RPS6KA3: variants seen among roughly 807,000 people sequenced by gnomAD.
RPS6KA3 encodes the protein ribosomal protein S6 kinase alpha-3.
In RPS6KA3, 4 loss-of-function variants were observed where a neutral mutation model predicts 67.2. The ratio of observed to expected loss-of-function variants is 0.06; its 90% CI spans 0.03 to 0.14. RPS6KA3 has a LOEUF of 0.14. Among genes scored for constraint, RPS6KA3 ranks in the 10% least tolerant of loss-of-function variants. The pLI is 1.00. For synonymous variants in RPS6KA3, 182 were observed against 183.7 expected (o/e 0.99, Z 0.07); for missense variants, 204 against 559.0 (o/e 0.36, Z 6.40).
At chrX:20,221,745 C>G (rs1050899701) in intron 2 of RPS6KA3, among the ~76,000 whole-genome samples, 15 of 112,256 alleles carry the variant, frequency 1.3e-4, no homozygotes, top group Non-Finnish European at 2.1e-4. Context: ...TTCTATTATA[C>G]AAATCTCCTA....
Position 20,167,637 on chromosome X carries a change from A to C in RPS6KA3, c.1554T>G (p.Ala518=). 1 of 1,210,126 alleles carries C rather than the reference A, an allele frequency of 8.3e-7. No individual in the cohort carries two copies. Among genetic ancestry groups the C allele is most frequent in the South Asian group, 1.8e-5 (1 of 56,983 alleles). ...CGGTTTTAGTTATAGTGAACAGGAC[A>C]GCACTGGCCTCTCGTTCAGAGAAAA... The part of the protein sequence containing the change: ...QKFFSEREAS[A]VLFTITKTVE... The change falls in exon 17 of 22, where the codon GCT becomes GCG. Residue 518 remains alanine, a synonymous_variant. Coordinates refer to ENST00000379565, the MANE Select transcript of RPS6KA3 (RefSeq NM_004586.3).
chrX:20,259,619 T>C (rs755143575), intron 1 of RPS6KA3, among the ~76,000 whole-genome samples: 3 of 111,537 alleles, frequency 2.7e-5, no homozygotes, highest in South Asian at 7.5e-4. Context: ...ACTGTAGTTA[T>C]CAGACTTTCC....
chrX:20,236,682 A>G (rs967983547), intron 1 of RPS6KA3, among the ~76,000 whole-genome samples: 2 of 111,833 alleles, frequency 1.8e-5, no homozygotes, highest in Non-Finnish European at 3.8e-5. Context: ...GAATGCCTAT[A>G]TAATACTATG....
At chrX:20,208,211 A>G (rs947491983) in intron 3 of RPS6KA3, among the ~76,000 whole-genome samples, 2 of 110,725 alleles carry the variant, frequency 1.8e-5, no homozygotes, top group Non-Finnish European at 3.8e-5. Context: ...TCGTGCTCCT[A>G]TGAGAATTGA....
chrX:20,187,181 T>A (rs189542679), intron 9 of RPS6KA3, among the ~76,000 whole-genome samples: 1 of 111,027 alleles, frequency 9.0e-6, no homozygotes, highest in East Asian at 2.8e-4. Flanking sequence ...CCTCCCAAAG[T>A]GCTGGGATTA....
chrX:20,266,294 C>T (rs2070381904), intron 1 of RPS6KA3, among the ~76,000 whole-genome samples: 1 of 111,033 alleles, frequency 9.0e-6, no homozygotes, highest in Non-Finnish European at 1.9e-5. Flanking sequence ...TTAAAATTGG[C>T]TTCTTGCAAA....
At position 20,155,602 on chromosome X, in the gene RPS6KA3, A is replaced by G. The variant is rs2067170304; in HGVS notation, c.2101-82T>C. 8 of 1,039,786 alleles carry G rather than the reference A, an allele frequency of 7.7e-6. No individual in the cohort carries two copies. In the South Asian group the frequency reaches 1.5e-4, roughly 20 times the overall value. 85.7% of individuals were successfully genotyped at this position (1,039,786 alleles called of 1,213,427 possible). The stretch of plus-strand genomic sequence containing the variant: ...CAAATACAAAATGAAGAGTTTTTTC[A>G]TATGCAAATGTACATAGATTTTATT... On this transcript the variant is annotated intron_variant, in intron 21 of 21. Coordinates refer to ENST00000379565, the MANE Select transcript of RPS6KA3 (RefSeq NM_004586.3).
At chrX:20,177,216 C>T in intron 10 of RPS6KA3, 132 bp from the exon 11 acceptor site, 1 of 492,076 alleles carries the variant, frequency 2.0e-6, no homozygotes, top group Non-Finnish European at 3.5e-6. Flanking sequence ...ACAGAGAGAT[C>T]CCCTGTGCCC....
intron 4 of RPS6KA3, among the ~76,000 whole-genome samples, chrX:20,198,903 G>A (rs113216125): frequency 2.7e-5 from 3 of 110,532 alleles, no homozygotes; most frequent in Non-Finnish European, 3.8e-5. Flanking sequence ...ATGGAGTCTT[G>A]CCCCGTCGCC....
At chrX:20,237,651 T>C (rs1302158885) in intron 1 of RPS6KA3, among the ~76,000 whole-genome samples, 1 of 111,698 alleles carries the variant, frequency 9.0e-6, no homozygotes, top group Non-Finnish European at 1.9e-5. Flanking sequence ...AAAAATGAGA[T>C]AATTCAGAAG....
intron 1 of RPS6KA3, among the ~76,000 whole-genome samples, chrX:20,252,987 G>A (rs1321052599): frequency 9.0e-6 from 1 of 110,980 alleles, no homozygotes; most frequent in African/African-American, 3.3e-5. Flanking sequence ...CTTCTGGGTT[G>A]GGGTGGAGGC....
intron 8 of RPS6KA3, among the ~76,000 whole-genome samples, 197 bp from the exon 9 acceptor site, chrX:20,188,167 G>C (rs924537304): frequency 9.0e-6 from 1 of 111,261 alleles, no homozygotes; most frequent in Non-Finnish European, 1.9e-5. Context: ...TCTGCCTCCC[G>C]GGTTCAAGTG....
chrX:20,164,892 C>T lies in RPS6KA3; in HGVS notation c.1764+7G>A. On this transcript the variant is annotated splice_region_variant and intron_variant, in intron 18 of 21. Transcript: ENST00000379565. ...CTAATACTGCAAGCAAACTCTCTCA[C>T]AATTACCTCTGGTGCAACAAAATTT... 1 of 1,197,702 alleles carries T rather than the reference C, an allele frequency of 8.3e-7. No individual in the cohort carries two copies. Among genetic ancestry groups the T allele is most frequent in the Non-Finnish European group, 1.1e-6 (1 of 882,808 alleles).
At chrX:20,261,813 G>C (rs2070238743) in intron 1 of RPS6KA3, among the ~76,000 whole-genome samples, 1 of 112,026 alleles carries the variant, frequency 8.9e-6, no homozygotes, top group Non-Finnish European at 1.9e-5. Context: ...TAGAATATCT[G>C]AGATCTGATA....
rs746752575 is a variant in RPS6KA3, at chrX:20,155,172, CAT to C, written c.*224_*225del. 4.6e-6 allele frequency: 2 copies of C among 432,856 alleles called. No individual in the cohort carries two copies. The highest frequency in any genetic ancestry group is 8.1e-6 in the Non-Finnish European group (2 of 246,100). 35.7% of individuals were successfully genotyped at this position (432,856 alleles called of 1,213,427 possible). On this transcript the variant is annotated 3_prime_UTR_variant, in exon 22 of 22. Coordinates refer to ENST00000379565, the MANE Select transcript of RPS6KA3 (RefSeq NM_004586.3). ...ATTGATTCAGTGACTATATCTTCAT[CAT>C]GTTTCCATTTTCATTTCTTCCGAAG...
At position 20,154,647 on chromosome X, in the gene RPS6KA3, A is replaced by G. The variant is rs1249030442; in HGVS notation, c.*751T>C. ...CACACATATGATAACTTTCTCTACCATAACAGCTCTCTAGGTTAGTCTGAC... is the reference window on the plus strand; with the variant it reads ...CACACATATGATAACTTTCTCTACCGTAACAGCTCTCTAGGTTAGTCTGAC... On this transcript the variant is annotated 3_prime_UTR_variant, in exon 22 of 22. Coordinates refer to ENST00000379565, the MANE Select transcript of RPS6KA3 (RefSeq NM_004586.3). 8.8e-6 allele frequency: 1 copy of G among 113,226 alleles called. No individual in the cohort carries two copies. The highest frequency in any genetic ancestry group is 1.9e-5 in the Non-Finnish European group (1 of 53,629). The allele number at this position is 113,226 out of a possible 1,213,427, so 9.3% of individuals were successfully genotyped here.
chrX:20,232,406 C>G (rs2148780056), intron 2 of RPS6KA3, among the ~76,000 whole-genome samples: 1 of 111,615 alleles, frequency 9.0e-6, no homozygotes, highest in South Asian at 3.7e-4. Flanking sequence ...AACCCCGTCT[C>G]TACCACAAAT....
intron 2 of RPS6KA3, among the ~76,000 whole-genome samples, chrX:20,222,888 T>C (rs1042588496): frequency 8.9e-6 from 1 of 111,884 alleles, no homozygotes; most frequent in African/African-American, 3.2e-5. Context: ...AAGTAAGCAG[T>C]AGTAAATGCT....
At chrX:20,265,053 T>G (rs1046304503) in intron 1 of RPS6KA3, among the ~76,000 whole-genome samples, 2 of 112,099 alleles carry the variant, frequency 1.8e-5, no homozygotes, top group Non-Finnish European at 3.8e-5. Flanking sequence ...CTGCCAGTCT[T>G]AAAAACATGA....
Sources: gnomAD v4.1 joint callset for allele counts (sites outside exome capture counted in the v4.1 genomes callset) on GRCh38, gnomAD v4.1.1 for gene constraint, MANE v1.5 for transcripts, NCBI Gene and HGNC (gene_info 2026-07-23, HGNC 2026-07-21) for gene names.